The following BOD1L1 variants were observed in gnomAD, a reference collection of about 807,000 sequenced individuals.
BOD1L1 encodes biorientation of chromosomes in cell division 1 like 1, also known as biorientation of chromosomes in cell division protein 1-like 1.
Under a neutral mutation model 240.7 loss-of-function variants are expected in BOD1L1, and 86 were observed. That is an observed-to-expected ratio of 0.36 (90% CI 0.30 to 0.43). The LOEUF (loss-of-function observed/expected upper bound fraction) is 0.43, where lower values mean the gene tolerates loss of function less well. Ranked by LOEUF, BOD1L1 falls within the 20% of genes least tolerant of loss-of-function variation. The pLI is 1.00. For synonymous variants in BOD1L1, 1,268 were observed against 1,272.3 expected (o/e 1.00, Z 0.07); for missense variants, 3,554 against 3,643.5 (o/e 0.98, Z 0.63).
At chr4:13,596,378 T>C (rs1204474606) in intron 11 of BOD1L1, among the ~76,000 whole-genome samples, 2 of 152,134 alleles carry the variant, frequency 1.3e-5, no homozygotes, top group African/African-American at 4.8e-5. Context: ...ATTTCCACTC[T>C]ACTTTCAAAA....
chr4:13,575,623 A>T (rs1219260523), intron 25 of BOD1L1, among the ~76,000 whole-genome samples: 1 of 152,120 alleles, frequency 6.6e-6, no homozygotes, highest in Non-Finnish European at 1.5e-5. Context: ...GGCTCAAGTG[A>T]TCCTCCCATC....
At chr4:13,573,446 A>G (rs28713289) in intron 25 of BOD1L1, among the ~76,000 whole-genome samples, 21,091 of 117,642 alleles carry the variant, frequency 0.18, 1,843 homozygotes, top group South Asian at 0.27. Flanking sequence ...CTGTCTGTCT[A>G]TCTATCTATC....
At chr4:13,588,536 T>A (rs537214920) in intron 15 of BOD1L1, among the ~76,000 whole-genome samples, 186 bp downstream of exon 15, 21 of 152,272 alleles carry the variant, frequency 1.4e-4, no homozygotes, top group Non-Finnish European at 2.6e-4. Flanking sequence ...CAAACAGTCC[T>A]GGGAACTGCC....
chr4:13,572,850 A>G, intron 25 of BOD1L1: 1 of 1,289,604 alleles, frequency 7.8e-7, no homozygotes, highest in Non-Finnish European at 1.0e-6. Context: ...TTTCTGAAAC[A>G]GATTATAGAA....
intron 25 of BOD1L1, among the ~76,000 whole-genome samples, chr4:13,570,971 A>G (rs1048502818): frequency 3.3e-5 from 5 of 152,214 alleles, no homozygotes; most frequent in Admixed American, 2.0e-4. Flanking sequence ...GCAAGTTACA[A>G]TCAATATTTT....
rs770228925 is a variant in BOD1L1, at chr4:13,579,998, A to C, written c.8704-25T>G. The C allele has an allele frequency of 4.0e-6, 6 of 1,511,458 alleles. No individual in the cohort carries two copies. The African/African-American group carries it at 4.2e-5, about 10-fold the overall frequency. 93.6% of individuals were successfully genotyped at this position (1,511,458 alleles called of 1,614,324 possible). ...CCTATGTTTAAATAAACAAACAAAA[A>C]AAAATTTTAAATCAGCAGTTTATAA... On this transcript the variant is annotated intron_variant, in intron 21 of 25. Coordinates refer to ENST00000040738, the MANE Select transcript of BOD1L1 (RefSeq NM_148894.3).
Position 13,602,493 on chromosome 4 carries a change from T to A in BOD1L1, c.4407A>T (p.Ile1469=), listed in dbSNP as rs61995955. 1 of 1,613,978 alleles carries A rather than the reference T, an allele frequency of 6.2e-7. No individual in the cohort carries two copies. The highest frequency in any genetic ancestry group is 2.2e-5 in the East Asian group (1 of 44,880). Residue 1469 remains isoleucine, a synonymous_variant, in exon 10 of 26, where the codon ATA becomes ATT. Coordinates refer to ENST00000040738, the MANE Select transcript of BOD1L1 (RefSeq NM_148894.3). ...HKRSPGKVKD[I]SIDVERRNEN... is the part of the protein sequence containing the mutation. ...CATTCCTTCTTTCAACATCAATTGA[T>A]ATGTCTTTTACTTTACCTGGGCTTC... is the stretch of plus-strand genomic sequence containing the variant.
Position 13,601,816 on chromosome 4 carries a change from G to A in BOD1L1, c.5084C>T (p.Thr1695Ile). The A allele has an allele frequency of 6.2e-7, 1 of 1,613,898 alleles. No homozygotes were observed. The highest frequency in any genetic ancestry group is 8.5e-7 in the Non-Finnish European group (1 of 1,179,888). Residue 1695 changes from threonine to isoleucine, a missense_variant, in exon 10 of 26, where the codon ACA becomes ATA. Physicochemically the swap from Thr to Ile is moderately conservative, Grantham distance 89 (BLOSUM62 -1). This residue lies in a region of BOD1L1 where 3,393 missense variants were observed against 3,427.1 expected (regional missense o/e 0.99). Coordinates refer to ENST00000040738, the MANE Select transcript of BOD1L1 (RefSeq NM_148894.3). ...ESDGAVTSAG[T>I]EIRAGSISSE... is the part of the protein sequence containing the mutation. ...GCTTATAGATCCTGCTCTTATCTCT[G>A]TTCCAGCACTTGTAACTGCTCCATC...
chr4:13,621,799 T>C (rs941975621), intron 1 of BOD1L1, among the ~76,000 whole-genome samples: 2 of 152,080 alleles, frequency 1.3e-5, no homozygotes, highest in Non-Finnish European at 2.9e-5. Flanking sequence ...ACTTATTTCC[T>C]GTCCTACATG....
Position 13,604,628 on chromosome 4 carries a change from C to T in BOD1L1, c.2272G>A (p.Glu758Lys). 1.9e-6 allele frequency: 3 copies of T among 1,578,588 alleles called. No individual in the cohort carries two copies. Among genetic ancestry groups the T allele is most frequent in the Non-Finnish European group, 2.6e-6 (3 of 1,169,912 alleles). The change falls in exon 10 of 26, where the codon GAG (glutamate) becomes AAG (lysine). Residue 758 changes from glutamate to lysine, a missense_variant. Physicochemically the swap from Glu to Lys is moderately conservative, Grantham distance 56 (BLOSUM62 1). This residue lies in a region of BOD1L1 where 3,393 missense variants were observed against 3,427.1 expected (regional missense o/e 0.99). Transcript: ENST00000040738. Reference protein sequence around the residue: ...DCMHKTGDETELHSSEKGLKV... With the variant: ...DCMHKTGDETKLHSSEKGLKV... ...AAACCTTTCTCAGAAGAGTGAAGCT[C>T]AGTCTCATCACCTGTTTTATGCATA...
chr4:13,617,667 T>C (rs1465602416), intron 2 of BOD1L1, among the ~76,000 whole-genome samples: 3 of 152,232 alleles, frequency 2.0e-5, no homozygotes, highest in Non-Finnish European at 2.9e-5. Context: ...GAATAAAATT[T>C]TCCCTCCTAC....
intron 5 of BOD1L1, among the ~76,000 whole-genome samples, chr4:13,612,403 G>C (rs554664282): frequency 2.0e-5 from 3 of 152,120 alleles, no homozygotes; most frequent in Non-Finnish European, 4.4e-5. Context: ...TAAGATATTG[G>C]TAAGAAGCAC....
chr4:13,582,185 T>G, intron 19 of BOD1L1, 52 bp downstream of exon 19: 1 of 1,420,362 alleles, frequency 7.0e-7, no homozygotes, highest in Non-Finnish European at 9.8e-7. Context: ...GAATTTAATT[T>G]GGTTAGTGCT....
intron 16 of BOD1L1, among the ~76,000 whole-genome samples, chr4:13,587,485 G>A (rs759787721): frequency 9.9e-5 from 15 of 152,110 alleles, no homozygotes; most frequent in Non-Finnish European, 1.9e-4. Flanking sequence ...GAGATCCAGC[G>A]GTTGGGTCTT....
chr4:13,625,357 T>C (rs1190316985), intron 1 of BOD1L1: 2 of 152,202 alleles, frequency 1.3e-5, no homozygotes, highest in Non-Finnish European at 2.9e-5. Context: ...TACTTGCGCA[T>C]TTTTCTTGAG....
chr4:13,594,124 G>C (rs573752914), intron 12 of BOD1L1, among the ~76,000 whole-genome samples: 81 of 152,134 alleles, frequency 5.3e-4, no homozygotes, highest in Non-Finnish European at 7.5e-4. Flanking sequence ...CATCCTCTTG[G>C]ATTATGCTTT....
At position 13,602,012 on chromosome 4, in the gene BOD1L1, G is replaced by A. The variant is rs766967231; in HGVS notation, c.4888C>T (p.Leu1630=). The part of the protein sequence containing the change: ...VAESEDRAAD[L]LAVHAVKIEA... Reference sequence around the variant, plus strand: ...ATTTTAACTGCATGCACAGCCAGTAGGTCTGCTGCTCTGTCCTCAGATTCA... The same window carrying A: ...ATTTTAACTGCATGCACAGCCAGTAAGTCTGCTGCTCTGTCCTCAGATTCA... The change falls in exon 10 of 26, where the codon CTA becomes TTA. Residue 1630 remains leucine (L), a synonymous_variant. Transcript: ENST00000040738. 4 of 1,613,914 alleles carry A rather than the reference G, an allele frequency of 2.5e-6. No homozygotes were observed. Among genetic ancestry groups the A allele is most frequent in the African/African-American group, 2.7e-5 (2 of 75,028 alleles).
intron 3 of BOD1L1, 52 bp from the exon 4 acceptor site, chr4:13,614,862 T>C: frequency 5.4e-6 from 8 of 1,482,990 alleles, no homozygotes; most frequent in Non-Finnish European, 7.2e-6. Context: ...GGAAAATACC[T>C]CTGCTAAATC....
In BOD1L1 at chr4:13,602,410, T is replaced by C. The variant is rs61995956; in HGVS notation, c.4490A>G (p.Gln1497Arg). The C allele has an allele frequency of 9.3e-3, 14,955 of 1,613,998 alleles. 107 individuals carry two copies. Among genetic ancestry groups the C allele is most frequent in the South Asian group, 0.022 (2,003 of 91,066 alleles). The part of the protein sequence containing the change: ...GSGSAPSVLH[Q>R]RNGQTEDVAT... ...CACATCCTCAGTTTGTCCGTTCCTT[T>C]GGTGTAAAACAGAGGGTGCAGAGCC... The change falls in exon 10 of 26, where the codon CAA becomes CGA. Residue 1497 changes from glutamine (Q) to arginine (R), a missense_variant. This residue lies in a region of BOD1L1 where 3,393 missense variants were observed against 3,427.1 expected (regional missense o/e 0.99). Coordinates refer to ENST00000040738, the MANE Select transcript of BOD1L1 (RefSeq NM_148894.3).
Sources: gnomAD v4.1 joint callset for allele counts (sites outside exome capture counted in the v4.1 genomes callset) on GRCh38, gnomAD v4.1.1 for gene constraint, gnomAD v4.1.1 regional missense constraint, MANE v1.5 for transcripts, NCBI Gene and HGNC (gene_info 2026-07-23, HGNC 2026-07-21) for gene names.